The following NXPE2 variants were observed in gnomAD, a reference collection of about 807,000 sequenced individuals.
NXPE2 encodes neurexophilin and PC-esterase domain family member 2.
NXPE2 carries 34 observed loss-of-function variants against 34.4 expected under a neutral mutation model. The observed-to-expected ratio is 0.99, with a 90% confidence interval of 0.75 to 1.31. The LOEUF is 1.31. NXPE2 is among the 40% of genes most tolerant of loss of function. NXPE2 has a pLI of 0.00. For missense variants in NXPE2, 649 were observed against 672.5 expected, an observed-to-expected ratio of 0.97 and a Z score of 0.39; for synonymous variants, 235 against 231.3, an observed-to-expected ratio of 1.02 and a Z score of -0.15.
At chr11:114,737,551 A>G in the NXPE2 span, among the ~76,000 whole-genome samples, 1 of 152,148 alleles carries the variant, frequency 6.6e-6, no homozygotes, top group African/African-American at 2.4e-5. Context: ...TTAGGCTATA[A>G]CATGTCTTCC....
chr11:114,655,002 T>A, the NXPE2 span, among the ~76,000 whole-genome samples: 1 of 152,224 alleles, frequency 6.6e-6, no homozygotes, highest in Non-Finnish European at 1.5e-5. Context: ...GACTTTTTAA[T>A]AATCACCATT....
At chr11:114,484,342 T>C in the NXPE2 span, among the ~76,000 whole-genome samples, 1 of 151,948 alleles carries the variant, frequency 6.6e-6, no homozygotes, top group Non-Finnish European at 1.5e-5. Context: ...GCACTTTCCC[T>C]AAGTTTGGGA....
At chr11:114,504,753 G>A in the NXPE2 span, among the ~76,000 whole-genome samples, 1 of 152,134 alleles carries the variant, frequency 6.6e-6, no homozygotes, top group Non-Finnish European at 1.5e-5. Context: ...AAGATTGAAG[G>A]TAGATAAGCC....
At chr11:114,512,891 C>T in the NXPE2 span, 1 of 242,560 alleles carries the variant, frequency 4.1e-6, no homozygotes, top group Non-Finnish European at 8.2e-6. Context: ...GAGTTTGAAA[C>T]CAGAGCGCAA....
chr11:114,706,966 T>C lies in NXPE2; in HGVS notation c.*36T>C, dbSNP rs759330883. 1.0e-5 allele frequency: 15 copies of C among 1,473,964 alleles called. No individual in the cohort carries two copies. Among genetic ancestry groups the C allele is most frequent in the Non-Finnish European group, 1.1e-5 (12 of 1,095,076 alleles). The allele number at this position is 1,473,964 out of a possible 1,614,324, so 91.3% of individuals were successfully genotyped here. ...CAAAAATAGCACTAGCCACTTTCTATAGATGATCTCACATATACAGCGAAG... is the reference window on the plus strand; with the variant it reads ...CAAAAATAGCACTAGCCACTTTCTACAGATGATCTCACATATACAGCGAAG... On this transcript the variant is annotated 3_prime_UTR_variant, in exon 6 of 6. Coordinates refer to ENST00000389586, the MANE Select transcript of NXPE2 (RefSeq NM_182495.6).
At chr11:114,696,983 T>C (rs1296081744) in intron 2 of NXPE2, among the ~76,000 whole-genome samples, 1 of 152,216 alleles carries the variant, frequency 6.6e-6, no homozygotes, top group Non-Finnish European at 1.5e-5. Context: ...AAATAACTAA[T>C]ATTAAAATAG....
chr11:114,696,340 C>CAAAAAAAAAAAAAAAAAAA (rs773266644), intron 2 of NXPE2, among the ~76,000 whole-genome samples: 3 of 64,596 alleles, frequency 4.6e-5, no homozygotes, highest in African/African-American at 7.1e-5. Flanking sequence ...TCAAAAAAAC[C>CAAAAAAAAAAAAAAAAAAA]AAAAAAAAAA....
intron 3 of NXPE2, among the ~76,000 whole-genome samples, chr11:114,703,633 G>C (rs1951408345): frequency 6.6e-6 from 1 of 152,078 alleles, no homozygotes. Context: ...GAGCCATTTA[G>C]AAGGTAAAAT....
the NXPE2 span, among the ~76,000 whole-genome samples, chr11:114,722,874 ACTT>A: frequency 1.3e-5 from 2 of 152,234 alleles, no homozygotes; most frequent in Non-Finnish European, 2.9e-5. Context: ...ATGAAGTGCC[ACTT>A]CTTATAAATG....
chr11:114,582,556 C>A, the NXPE2 span: 2 of 1,614,194 alleles, frequency 1.2e-6, no homozygotes, highest in Non-Finnish European at 1.7e-6. Context: ...AGAGCTGACA[C>A]CCCTTCACTG....
At chr11:114,672,234 C>T in the NXPE2 span, among the ~76,000 whole-genome samples, 1 of 151,858 alleles carries the variant, frequency 6.6e-6, no homozygotes, top group East Asian at 1.9e-4. Flanking sequence ...AGAACCAAAC[C>T]ATATCACACA....
At chr11:114,503,108 T>C in the NXPE2 span, among the ~76,000 whole-genome samples, 1 of 151,912 alleles carries the variant, frequency 6.6e-6, no homozygotes, top group Non-Finnish European at 1.5e-5. Context: ...CATAAGAAAT[T>C]GAGCAGGCCA....
chr11:114,705,106 A>G (rs921743256), intron 4 of NXPE2, among the ~76,000 whole-genome samples: 1 of 152,162 alleles, frequency 6.6e-6, no homozygotes, highest in Admixed American at 6.6e-5. Context: ...GGCCTCAGAA[A>G]CTTACCTGGG....
chr11:114,768,426 GT>G, the NXPE2 span, among the ~76,000 whole-genome samples: 2 of 152,066 alleles, frequency 1.3e-5, no homozygotes, highest in Admixed American at 6.5e-5. Context: ...ATTTAAAGTA[GT>G]TTTTTTCTAA....
At chr11:114,756,193 T>C in the NXPE2 span, among the ~76,000 whole-genome samples, 1 of 152,188 alleles carries the variant, frequency 6.6e-6, no homozygotes, top group Non-Finnish European at 1.5e-5. Context: ...CCATGGAGAA[T>C]GAGATACTGC....
chr11:114,775,082 C>T, the NXPE2 span, among the ~76,000 whole-genome samples: 2 of 152,230 alleles, frequency 1.3e-5, no homozygotes, highest in African/African-American at 4.8e-5. Context: ...TGGCGACATA[C>T]TTCTGGCAGT....
intron 3 of NXPE2, among the ~76,000 whole-genome samples, chr11:114,701,978 A>T (rs1217347503): frequency 1.3e-5 from 2 of 152,196 alleles, no homozygotes; most frequent in Non-Finnish European, 2.9e-5. Context: ...TCTCCCACAT[A>T]TACTGAGGGA....
chr11:114,754,337 C>A, the NXPE2 span, among the ~76,000 whole-genome samples: 7 of 152,202 alleles, frequency 4.6e-5, no homozygotes, highest in South Asian at 6.2e-4. Context: ...CTCTCCCAGA[C>A]CCTCTCAGAG....
the NXPE2 span, among the ~76,000 whole-genome samples, chr11:114,799,586 C>A: frequency 6.6e-6 from 1 of 152,174 alleles, no homozygotes; most frequent in Non-Finnish European, 1.5e-5. Context: ...GACAAGGAGA[C>A]CCCCTGGGTG....
Sources: allele counts gnomAD v4.1 joint callset (sites outside exome capture counted in the v4.1 genomes callset), GRCh38; gene constraint gnomAD v4.1.1; transcripts MANE v1.5; gene names NCBI Gene and HGNC (gene_info 2026-07-23, HGNC 2026-07-21).